Variants in NKAIN2 observed in about 807,000 individuals in gnomAD.
The protein encoded by NKAIN2 is sodium/potassium transporting ATPase interacting 2.
In NKAIN2, 14 loss-of-function variants were observed where a neutral mutation model predicts 32.6. The ratio of observed to expected loss-of-function variants is 0.43; its 90% CI spans 0.28 to 0.67. The LOEUF (loss-of-function observed/expected upper bound fraction) is 0.67. Among genes scored for constraint, NKAIN2 ranks in the 30% least tolerant of loss-of-function variants. NKAIN2 has a pLI of 0.17. For missense variants in NKAIN2, 198 were observed against 258.3 expected (o/e 0.77, Z 1.60); for synonymous variants, 80 against 87.2 (o/e 0.92, Z 0.46).
At chr6:124,288,069 T>G (rs1433836230) in intron 2 of NKAIN2, among the ~76,000 whole-genome samples, 1 of 152,216 alleles carries the variant, frequency 6.6e-6, no homozygotes, top group Non-Finnish European at 1.5e-5. Context: ...TTATAGAGGA[T>G]AGTATACTAA....
At chr6:123,930,468 C>T (rs574480728) in intron 1 of NKAIN2, among the ~76,000 whole-genome samples, 1 of 152,228 alleles carries the variant, frequency 6.6e-6, no homozygotes, top group Admixed American at 6.5e-5. Context: ...CCTGACTCTG[C>T]TCCTGTAATC....
At chr6:124,148,023 G>A (rs1787506994) in intron 1 of NKAIN2, among the ~76,000 whole-genome samples, 1 of 151,956 alleles carries the variant, frequency 6.6e-6, no homozygotes, top group African/African-American at 2.4e-5. Flanking sequence ...TACATTATTT[G>A]ATATAGGTAT....
At chr6:124,167,670 C>G (rs1043180861) in intron 1 of NKAIN2, among the ~76,000 whole-genome samples, 4 of 152,140 alleles carry the variant, frequency 2.6e-5, no homozygotes, top group South Asian at 2.1e-4. Context: ...ATAGATAGCT[C>G]TTATTATTTT....
rs202024578 is a variant in NKAIN2 at position 123,837,725 on chromosome 6, A to AT, written c.54+33480dup. ...TTACTATGCTCTGACATTCTTTCTG[A>AT]TTTTTTTTTCTGATTTCATTGTCTA... On this transcript the variant is annotated intron_variant, in intron 1 of 6. Transcript: ENST00000368417. Among the ~76,000 whole-genome samples the AT allele has an allele frequency of 2.3e-3, 344 of 150,436 alleles. 1 individual carries two copies. Among genetic ancestry groups the AT allele is most frequent in the Admixed American group, 3.9e-3 (59 of 15,092 alleles).
In NKAIN2 at chr6:124,820,456, G is replaced by A. The variant is rs949126260; in HGVS notation, c.617+1988G>A. On this transcript the variant is annotated intron_variant, in intron 6 of 6. Coordinates refer to ENST00000368417, the MANE Select transcript of NKAIN2 (RefSeq NM_001040214.3). Reference sequence around the variant, plus strand: ...AGAATATATATAAAGCACATGAAACGTAGGATATGTCACATAGTAAGTGCT... The same window carrying A: ...AGAATATATATAAAGCACATGAAACATAGGATATGTCACATAGTAAGTGCT... 3.3e-5 allele frequency among the ~76,000 whole-genome samples: 5 copies of A among 152,164 alleles called. No homozygotes were observed. In the South Asian group the frequency reaches 6.2e-4, roughly 19 times the overall value.
At chr6:124,616,424 TTTTCTTTTC>T (rs1562285872) in intron 3 of NKAIN2, among the ~76,000 whole-genome samples, 2 of 145,774 alleles carry the variant, frequency 1.4e-5, no homozygotes, top group African/African-American at 5.1e-5. Flanking sequence ...TCTTTTTTCT[TTTTCTTTTC>T]TTTCTTTTTT....
chr6:124,798,375 C>T (rs1780104616), intron 5 of NKAIN2, among the ~76,000 whole-genome samples: 1 of 152,092 alleles, frequency 6.6e-6, no homozygotes, highest in Non-Finnish European at 1.5e-5. Context: ...TTTATCTTCT[C>T]TTTATAACAT....
intron 4 of NKAIN2, among the ~76,000 whole-genome samples, chr6:124,744,226 A>G (rs17052325): frequency 0.046 from 7,046 of 151,930 alleles, 176 homozygotes; most frequent in East Asian, 0.088. Flanking sequence ...TTGCAAACAC[A>G]CATATCCCCC....
chr6:124,476,183 C>T (rs1196817182), intron 3 of NKAIN2, among the ~76,000 whole-genome samples: 2 of 150,854 alleles, frequency 1.3e-5, no homozygotes, highest in Non-Finnish European at 2.9e-5. Flanking sequence ...TCCTAATTGG[C>T]AAAATATGGA....
At chr6:123,916,864 TCTA>T (rs1775528341) in intron 1 of NKAIN2, among the ~76,000 whole-genome samples, 1 of 151,754 alleles carries the variant, frequency 6.6e-6, no homozygotes, top group African/African-American at 2.4e-5. Context: ...CTATCTGTCA[TCTA>T]CCTACCTACC....
At chr6:124,593,205 T>TTGTGTG (rs10526889) in intron 3 of NKAIN2, among the ~76,000 whole-genome samples, 5,416 of 149,954 alleles carry the variant, frequency 0.036, 329 homozygotes, top group African/African-American at 0.12. Flanking sequence ...GATGAGAGTT[T>TTGTGTG]TGTGTGTGTG....
At chr6:124,384,136 GA>G (rs1562145246) in intron 3 of NKAIN2, among the ~76,000 whole-genome samples, 1 of 152,060 alleles carries the variant, frequency 6.6e-6, no homozygotes, top group Non-Finnish European at 1.5e-5. Context: ...ATCACTCTCT[GA>G]AATTATCTTG....
chr6:124,178,443 G>A (rs1454895556), intron 1 of NKAIN2, among the ~76,000 whole-genome samples: 3 of 151,644 alleles, frequency 2.0e-5, no homozygotes, highest in South Asian at 2.1e-4. Context: ...GACTACAGGC[G>A]CCCGCCACCA....
intron 2 of NKAIN2, among the ~76,000 whole-genome samples, chr6:124,345,909 C>A (rs1219974795): frequency 6.6e-6 from 1 of 152,048 alleles, no homozygotes; most frequent in Non-Finnish European, 1.5e-5. Context: ...TTTTCTAGTT[C>A]TTTTAATTGT....
intron 3 of NKAIN2, among the ~76,000 whole-genome samples, chr6:124,413,030 G>A (rs1424713003): frequency 6.6e-6 from 1 of 152,148 alleles, no homozygotes; most frequent in East Asian, 1.9e-4. Flanking sequence ...GAAAAGTGCA[G>A]TATTAAAGTG....
intron 1 of NKAIN2, among the ~76,000 whole-genome samples, chr6:124,074,583 G>A (rs529619706): frequency 6.6e-6 from 1 of 152,296 alleles, no homozygotes; most frequent in Admixed American, 6.5e-5. Context: ...CAGATGGTGA[G>A]CCTTTATCAG....
At chr6:124,333,670 A>AATAC (rs1470859051) in intron 2 of NKAIN2, among the ~76,000 whole-genome samples, 2 of 150,826 alleles carry the variant, frequency 1.3e-5, no homozygotes, top group African/African-American at 2.5e-5. Flanking sequence ...TAAATAAATA[A>AATAC]ATAAATAAAT....
chr6:124,264,210 T>C (rs1271677871), intron 1 of NKAIN2, among the ~76,000 whole-genome samples: 3 of 152,136 alleles, frequency 2.0e-5, no homozygotes, highest in Admixed American at 2.0e-4. Context: ...TATTCAATAT[T>C]TATTTAGTAG....
intron 1 of NKAIN2, among the ~76,000 whole-genome samples, chr6:124,011,823 G>T (rs1780345192): frequency 6.6e-6 from 1 of 152,058 alleles, no homozygotes; most frequent in South Asian, 2.1e-4. Flanking sequence ...CGAGACCCTT[G>T]CCATTCAAGT....
Sources: allele counts gnomAD v4.1 joint callset (sites outside exome capture counted in the v4.1 genomes callset), GRCh38; gene constraint gnomAD v4.1.1; transcripts MANE v1.5; gene names NCBI Gene and HGNC (gene_info 2026-07-23, HGNC 2026-07-21).